FGF4: variants seen among roughly 807,000 people sequenced by gnomAD.
The protein encoded by FGF4 is fibroblast growth factor 4.
In FGF4, 9 loss-of-function variants were observed where a neutral mutation model predicts 15.7. That is an observed-to-expected ratio of 0.57 (90% CI 0.35 to 1.00). The LOEUF is 1.00. Among genes scored for constraint, FGF4 ranks in the 50% least tolerant of loss-of-function variants. The pLI, the probability that FGF4 is intolerant of heterozygous loss-of-function variation, is 0.02. For missense variants in FGF4, 286 were observed against 297.3 expected (o/e 0.96, Z 0.28); for synonymous variants, 164 against 144.8 (o/e 1.13, Z -0.95).
Position 69,773,380 on chromosome 11 carries a change from T to G in FGF4, c.550A>C (p.Asn184His). Reference protein sequence around the residue: ...YPGMFIALSKNGKTKKGNRVS... With the variant: ...YPGMFIALSKHGKTKKGNRVS... ...CGGTTCCCCTTCTTGGTCTTCCCATTCTTGCTCAGGGCGATGAACATGCCG... is the reference window on the plus strand; with the variant it reads ...CGGTTCCCCTTCTTGGTCTTCCCATGCTTGCTCAGGGCGATGAACATGCCG... The change falls in exon 3 of 3, where the codon AAT (asparagine) becomes CAT (histidine). Residue 184 changes from asparagine (N) to histidine (H), a missense_variant. Transcript: ENST00000168712. 1 of 1,614,144 alleles carries G rather than the reference T, an allele frequency of 6.2e-7. No homozygotes were observed. Among genetic ancestry groups the G allele is most frequent in the Admixed American group, 1.7e-5 (1 of 60,032 alleles).
rs1855597701 is a variant in FGF4 at position 69,773,356 on chromosome 11, G to A, written c.574C>T (p.Arg192Ter). 6.2e-7 allele frequency: 1 copy of A among 1,614,160 alleles called. No homozygotes were observed. Among genetic ancestry groups the A allele is most frequent in the East Asian group, 2.2e-5 (1 of 44,876 alleles). The change falls in exon 3 of 3, where the codon CGA becomes TGA. Residue 192 changes from arginine to a stop codon, truncating the protein, a stop_gained. Transcript: ENST00000168712. LOFTEE classifies it high-confidence loss of function. ...GTGACCTTCATGGTGGGCGACACTC[G>A]GTTCCCCTTCTTGGTCTTCCCATTC... ...SKNGKTKKGN[R>*]VSPTMKVTHF...
At position 69,772,261 on chromosome 11, in the gene FGF4, T is replaced by C. The variant is rs1300530477; in HGVS notation, c.*1048A>G. 6.6e-6 allele frequency: 1 copy of C among 152,186 alleles called. No individual in the cohort carries two copies. The highest frequency in any genetic ancestry group is 1.9e-4 in the East Asian group (1 of 5,182). The allele number at this position is 152,186 out of a possible 1,614,324, so 9.4% of individuals were successfully genotyped here. A position where few individuals can be genotyped will look rare whatever the true frequency, so the allele number is the denominator to read the frequency against. On this transcript the variant is annotated 3_prime_UTR_variant, in exon 3 of 3. Transcript: ENST00000168712. ...GGTTTCAGGGCTTGTGAGGTAGATG[T>C]TAAACGCACTTAAACAGGGAATGCA...
chr11:69,774,643 C>T, intron 1 of FGF4, 102 bp downstream of exon 1: 2 of 958,468 alleles, frequency 2.1e-6, no homozygotes, highest in Non-Finnish European at 2.8e-6. Flanking sequence ...CCGGGGCCCC[C>T]GAGCAGGTGC....
At position 69,774,757 on chromosome 11, in the gene FGF4, C is replaced by T; in HGVS notation, c.328G>A (p.Asp110Asn). Residue 110 changes from aspartate to asparagine, a missense_variant, in exon 1 of 3, where the codon GAC (aspartate) becomes AAC (asparagine). Asp to Asn is a conservative substitution (Grantham distance 23, BLOSUM62 1). Transcript: ENST00000168712. Reference sequence around the variant, plus strand: ...CCGCGCCACTCACTGTCGCGGGTGTCCGCGTGCGCGCCGCCGATGCGGCCG... The same window carrying T: ...CCGCGCCACTCACTGTCGCGGGTGTTCGCGTGCGCGCCGCCGATGCGGCCG... Reference protein sequence around the residue: ...PDGRIGGAHADTRDSLLELSP... With the variant: ...PDGRIGGAHANTRDSLLELSP... 1 of 1,497,814 alleles carries T rather than the reference C, an allele frequency of 6.7e-7. No homozygotes were observed. Among genetic ancestry groups the T allele is most frequent in the South Asian group, 1.2e-5 (1 of 80,336 alleles). The allele number at this position is 1,497,814 out of a possible 1,614,324, so 92.8% of individuals were successfully genotyped here. A position where few individuals can be genotyped will look rare whatever the true frequency, so the allele number is the denominator to read the frequency against.
At position 69,773,198 on chromosome 11, in the gene FGF4, T is replaced by C. The variant is rs1018042223; in HGVS notation, c.*111A>G. 35 of 754,478 alleles carry C rather than the reference T, an allele frequency of 4.6e-5. No individual in the cohort carries two copies. Among genetic ancestry groups the C allele is most frequent in the Non-Finnish European group, 2.0e-5 (9 of 457,306 alleles). The allele number at this position is 754,478 out of a possible 1,614,324, so 46.7% of individuals were successfully genotyped here. A position where few individuals can be genotyped will look rare whatever the true frequency, so the allele number is the denominator to read the frequency against. ...CATTTAAATAATTAATTTAAATATCTTACACCTACTCTTGCATTAAACTCT... is the reference window on the plus strand; with the variant it reads ...CATTTAAATAATTAATTTAAATATCCTACACCTACTCTTGCATTAAACTCT... On this transcript the variant is annotated 3_prime_UTR_variant, in exon 3 of 3. Transcript: ENST00000168712.
intron 1 of FGF4, among the ~76,000 whole-genome samples, chr11:69,774,382 A>G (rs535214728): frequency 6.6e-6 from 1 of 151,472 alleles, no homozygotes; most frequent in Admixed American, 6.6e-5. Flanking sequence ...CCGGACCTTC[A>G]GACGCGAGCC....
chr11:69,775,072 C>A lies in FGF4; in HGVS notation c.13G>T (p.Gly5Trp). 7.5e-7 allele frequency: 1 copy of A among 1,334,872 alleles called. No individual in the cohort carries two copies. The highest frequency in any genetic ancestry group is 2.0e-5 in the South Asian group (1 of 49,882). The allele number at this position is 1,334,872 out of a possible 1,614,324, so 82.7% of individuals were successfully genotyped here. Residue 5 changes from glycine to tryptophan, a missense_variant, in exon 1 of 3, where the codon GGG becomes TGG. Gly to Trp is a radical substitution (Grantham distance 184). Transcript: ENST00000168712. ...GGGAGCAGCGCTACCGCGGCCGTCC[C>A]GGGCCCCGACATCCCGGCCCGAGGG... MSGP[G>W]TAAVALLPAV...
Position 69,774,742 on chromosome 11 carries a change from C to A in FGF4, c.340+3G>T. ...CCCCTTCGCGCCTGGCCGCGCCACT[C>A]ACTGTCGCGGGTGTCCGCGTGCGCG... On this transcript the variant is annotated splice_donor_region_variant and intron_variant, in intron 1 of 2. Coordinates refer to ENST00000168712, the MANE Select transcript of FGF4 (RefSeq NM_002007.4). 6.8e-7 allele frequency: 1 copy of A among 1,469,952 alleles called. No individual in the cohort carries two copies. The highest frequency in any genetic ancestry group is 3.0e-5 in the East Asian group (1 of 33,854). The allele number at this position is 1,469,952 out of a possible 1,614,324, so 91.1% of individuals were successfully genotyped here.
chr11:69,773,947 G>C, intron 2 of FGF4, 77 bp downstream of exon 2: 1 of 1,224,454 alleles, frequency 8.2e-7, no homozygotes, highest in East Asian at 2.4e-5. Context: ...CACAGGTGGG[G>C]CTGGAGAAGC....
Position 69,773,255 on chromosome 11 carries a change from C to T in FGF4, c.*54G>A, listed in dbSNP as rs904362550. ...GAAGAAAGTGCACCAAGGTGACCCTCGGCACTGCCCTCCCAGGGGCTTCCC... is the reference window on the plus strand; with the variant it reads ...GAAGAAAGTGCACCAAGGTGACCCTTGGCACTGCCCTCCCAGGGGCTTCCC... On this transcript the variant is annotated 3_prime_UTR_variant, in exon 3 of 3. Coordinates refer to ENST00000168712, the MANE Select transcript of FGF4 (RefSeq NM_002007.4). The T allele has an allele frequency of 8.5e-6, 13 of 1,526,458 alleles. No individual in the cohort carries two copies. The highest frequency in any genetic ancestry group is 3.4e-5 in the Admixed American group (2 of 58,702). The allele number at this position is 1,526,458 out of a possible 1,614,324, so 94.6% of individuals were successfully genotyped here. A position where few individuals can be genotyped will look rare whatever the true frequency, so the allele number is the denominator to read the frequency against.
rs781699363 is a variant in FGF4 at position 69,774,056 on chromosome 11, C to T, written c.412G>A (p.Ala138Thr). The T allele has an allele frequency of 1.9e-6, 3 of 1,613,180 alleles. No homozygotes were observed. Among genetic ancestry groups the T allele is most frequent in the Middle Eastern group, 1.7e-4 (1 of 6,050 alleles). Residue 138 changes from alanine (A) to threonine (T), a missense_variant, in exon 2 of 3, where the codon GCC becomes ACC. By Grantham distance (58) the Ala-to-Thr change is moderately conservative. Coordinates refer to ENST00000168712, the MANE Select transcript of FGF4 (RefSeq NM_002007.4). ...TAGAGCTTGCCCTTGCTGCTCATGG[C>T]CACGAAGAACCGGCTGGCCACGCCG... ...IFGVASRFFV[A>T]MSSKGKLYGS...
At position 69,772,345 on chromosome 11, in the gene FGF4, A is replaced by T. The variant is rs181323722; in HGVS notation, c.*964T>A. ...GCACCAAGTGCTTTGTACAATTACAAGGACATTTCACCTAAAAATCGTAGC... is the reference window on the plus strand; with the variant it reads ...GCACCAAGTGCTTTGTACAATTACATGGACATTTCACCTAAAAATCGTAGC... On this transcript the variant is annotated 3_prime_UTR_variant, in exon 3 of 3. Coordinates refer to ENST00000168712, the MANE Select transcript of FGF4 (RefSeq NM_002007.4). The T allele has an allele frequency of 2.0e-5, 3 of 152,382 alleles. No homozygotes were observed. The highest frequency in any genetic ancestry group is 3.9e-4 in the East Asian group (2 of 5,184). The allele number at this position is 152,382 out of a possible 1,614,324, so 9.4% of individuals were successfully genotyped here.
In FGF4 at chr11:69,775,167, G is replaced by A; in HGVS notation, c.-83C>T. ...CAGAGCTGCGCCTGTGGCGTCCCGC[G>A]GGAGCGCACGGCCGACCTCGGGCAG... On this transcript the variant is annotated 5_prime_UTR_variant, in exon 1 of 3. Coordinates refer to ENST00000168712, the MANE Select transcript of FGF4 (RefSeq NM_002007.4). The A allele has an allele frequency of 1.0e-6, 1 of 960,334 alleles. No individual in the cohort carries two copies. The highest frequency in any genetic ancestry group is 1.4e-6 in the Non-Finnish European group (1 of 736,838). 59.5% of individuals were successfully genotyped at this position (960,334 alleles called of 1,614,324 possible).
At position 69,773,244 on chromosome 11, in the gene FGF4, A is replaced by G. The variant is rs1855594239; in HGVS notation, c.*65T>C. The G allele has an allele frequency of 7.1e-7, 1 of 1,407,876 alleles. No homozygotes were observed. Among genetic ancestry groups the G allele is most frequent in the Non-Finnish European group, 1.0e-6 (1 of 1,001,856 alleles). 87.2% of individuals were successfully genotyped at this position (1,407,876 alleles called of 1,614,324 possible). On this transcript the variant is annotated 3_prime_UTR_variant, in exon 3 of 3. Transcript: ENST00000168712. ...ACTCTTCATCCGAAGAAAGTGCACC[A>G]AGGTGACCCTCGGCACTGCCCTCCC...
At chr11:69,774,703 G>GC (rs1209206022) in intron 1 of FGF4, 42 bp downstream of exon 1, 3 of 1,352,186 alleles carry the variant, frequency 2.2e-6, no homozygotes, top group South Asian at 1.7e-5. Flanking sequence ...GGCGGCCGTT[G>GC]CCCCCCGCCC....
chr11:69,772,792 T>G lies in FGF4; in HGVS notation c.*517A>C. The G allele has an allele frequency of 6.0e-6, 1 of 165,752 alleles. No individual in the cohort carries two copies. Among genetic ancestry groups the G allele is most frequent in the East Asian group, 1.3e-4 (1 of 7,574 alleles). 10.3% of individuals were successfully genotyped at this position (165,752 alleles called of 1,614,324 possible). A position where few individuals can be genotyped will look rare whatever the true frequency, so the allele number is the denominator to read the frequency against. On this transcript the variant is annotated 3_prime_UTR_variant, in exon 3 of 3. Coordinates refer to ENST00000168712, the MANE Select transcript of FGF4 (RefSeq NM_002007.4). ...CAGCGAGGACTTCAACACCGCACTTTCTGTACCCGAAGTAAACCGATATGT... is the reference window on the plus strand; with the variant it reads ...CAGCGAGGACTTCAACACCGCACTTGCTGTACCCGAAGTAAACCGATATGT...
At chr11:69,774,433 G>A (rs966871388) in intron 1 of FGF4, among the ~76,000 whole-genome samples, 2 of 152,142 alleles carry the variant, frequency 1.3e-5, no homozygotes, top group African/African-American at 4.8e-5. Flanking sequence ...GCCGGGGCGC[G>A]TGTCTCGGGC....
At chr11:69,773,993 A>G in intron 2 of FGF4, 31 bp downstream of exon 2, 1 of 1,555,438 alleles carries the variant, frequency 6.4e-7, no homozygotes, top group Non-Finnish European at 8.8e-7. Flanking sequence ...GTTCCCAACT[A>G]GGTGCCTAGC....
chr11:69,771,672 C>T lies in FGF4; in HGVS notation c.*1637G>A, dbSNP rs929560091. ...CTTGGTTAAGAATAGTATTTTAAGTCGATGATTTGCATTCGAACAAAGAGT... is the reference window on the plus strand; with the variant it reads ...CTTGGTTAAGAATAGTATTTTAAGTTGATGATTTGCATTCGAACAAAGAGT... On this transcript the variant is annotated 3_prime_UTR_variant, in exon 3 of 3. Coordinates refer to ENST00000168712, the MANE Select transcript of FGF4 (RefSeq NM_002007.4). The T allele has an allele frequency of 2.6e-5, 4 of 152,046 alleles. No individual in the cohort carries two copies. Among genetic ancestry groups the T allele is most frequent in the East Asian group, 1.9e-4 (1 of 5,200 alleles). The allele number at this position is 152,046 out of a possible 1,614,324, so 9.4% of individuals were successfully genotyped here. A position where few individuals can be genotyped will look rare whatever the true frequency, so the allele number is the denominator to read the frequency against.
Sources: allele counts gnomAD v4.1 joint callset (sites outside exome capture counted in the v4.1 genomes callset), GRCh38; gene constraint gnomAD v4.1.1; transcripts MANE v1.5; gene names NCBI Gene and HGNC (gene_info 2026-07-23, HGNC 2026-07-21).